IPPK: variants seen among roughly 807,000 people sequenced by gnomAD.
IPPK encodes the protein inositol-pentakisphosphate 2-kinase.
IPPK carries 22 observed loss-of-function variants against 64.6 expected under a neutral mutation model. The ratio of observed to expected loss-of-function variants is 0.34; its 90% confidence interval spans 0.24 to 0.49. The LOEUF (loss-of-function observed/expected upper bound fraction) is 0.49. Ranked by LOEUF, IPPK falls within the 20% of genes least tolerant of loss-of-function variation. IPPK has a pLI of 0.99. For synonymous variants in IPPK, 262 were observed against 247.2 expected (o/e 1.06, Z -0.56); for missense variants, 532 against 630.7 (o/e 0.84, Z 1.68).
At chr9:92,622,377 G>A (rs931143913) in intron 11 of IPPK, among the ~76,000 whole-genome samples, 6 of 152,078 alleles carry the variant, frequency 3.9e-5, no homozygotes, top group African/African-American at 1.2e-4. Context: ...CACAGACTAC[G>A]ATTACATATA....
rs182343951 is a variant in IPPK, at chr9:92,653,806, G to A, written c.226-1167C>T. 7.9e-5 allele frequency among the ~76,000 whole-genome samples: 12 copies of A among 152,300 alleles called. No homozygotes were observed. In the Middle Eastern group the frequency reaches 0.01, roughly 130 times the overall value. On this transcript the variant is annotated intron_variant, in intron 3 of 12. Transcript: ENST00000287996. ...AGAGGTTGCAGTGAGCTGAGATCAC[G>A]CCACTCCAGCCTGGGCGACAGAGCG...
At position 92,634,164 on chromosome 9, in the gene IPPK, C is replaced by T. The variant is rs79300120; in HGVS notation, c.1170+222G>A. On this transcript the variant is annotated intron_variant, in intron 11 of 12. Coordinates refer to ENST00000287996, the MANE Select transcript of IPPK (RefSeq NM_022755.6). The stretch of plus-strand genomic sequence containing the variant: ...GGGCCTGACCCCACCAGGAACGGGC[C>T]AGGGCAGAACTCAACCAAGGGAAAT... Among the ~76,000 whole-genome samples, 822 of 152,322 alleles carry T rather than the reference C, an allele frequency of 5.4e-3. 43 individuals are homozygous for T. The East Asian group carries it at 0.13, about 25-fold the overall frequency.
intron 11 of IPPK, among the ~76,000 whole-genome samples, chr9:92,627,220 A>T (rs1851750207): frequency 6.6e-6 from 1 of 152,168 alleles, no homozygotes; most frequent in South Asian, 2.1e-4. Flanking sequence ...AATTAAAAAT[A>T]AAAAAACTAT....
chr9:92,638,544 C>T (rs1276210347), intron 8 of IPPK, among the ~76,000 whole-genome samples: 1 of 152,240 alleles, frequency 6.6e-6, no homozygotes, highest in African/African-American at 2.4e-5. Flanking sequence ...GCCTGACCAA[C>T]GCCCCCAGAC....
In IPPK at chr9:92,652,609, T is replaced by C; in HGVS notation, c.256A>G (p.Lys86Glu). The C allele has an allele frequency of 3.2e-6, 5 of 1,577,842 alleles. No individual in the cohort carries two copies. The highest frequency in any genetic ancestry group is 1.1e-5 in the South Asian group (1 of 87,230). Residue 86 changes from lysine to glutamate, a missense_variant, in exon 4 of 13, where the codon AAA becomes GAA. Physicochemically the swap from Lys to Glu is moderately conservative, Grantham distance 56. Transcript: ENST00000287996. ...GATTGTATCTTTAAACAAAGCTGTT[T>C]CACAAACTCTAAAGGTAGCTGAACG... ...EVVQLPLEFV[K>E]QLCLKIQSER... is the part of the protein sequence containing the mutation.
chr9:92,655,483 C>T (rs1183530134), intron 3 of IPPK, among the ~76,000 whole-genome samples: 1 of 152,128 alleles, frequency 6.6e-6, no homozygotes, highest in Non-Finnish European at 1.5e-5. Context: ...ACCCTTCCCA[C>T]TGAGGACAAA....
In IPPK at chr9:92,639,816, A is replaced by G. The variant is rs1259193621; in HGVS notation, c.636+894T>C. ...TTTGGGAAGGTAGAGGCAGACAGGG[A>G]ATGAAGCCAATTCACTGCCCAGCAG... On this transcript the variant is annotated intron_variant, in intron 8 of 12. Coordinates refer to ENST00000287996, the MANE Select transcript of IPPK (RefSeq NM_022755.6). Among the ~76,000 whole-genome samples, 13 of 152,228 alleles carry G rather than the reference A, an allele frequency of 8.5e-5. 1 individual carries two copies. The highest frequency in any genetic ancestry group is 1.6e-4 in the Non-Finnish European group (11 of 68,040).
intron 4 of IPPK, 62 bp downstream of exon 4, chr9:92,652,511 A>C: frequency 1.1e-6 from 1 of 948,142 alleles, no homozygotes; most frequent in Admixed American, 2.3e-5. Context: ...TAATCATTTC[A>C]AACACTTTTC....
At position 92,645,585 on chromosome 9, in the gene IPPK, A is replaced by C. The variant is rs148411287; in HGVS notation, c.504+2474T>G. Among the ~76,000 whole-genome samples the C allele has an allele frequency of 2.4e-3, 365 of 152,202 alleles. 2 individuals are homozygous for C. The highest frequency in any genetic ancestry group is 8.4e-3 in the African/African-American group (347 of 41,540). ...TGTCACAGGACAAAGCCCAAGAGAG[A>C]ATCTTAAAAAGCAAAAAGAGAGAAG... On this transcript the variant is annotated intron_variant, in intron 6 of 12. Transcript: ENST00000287996.
intron 3 of IPPK, among the ~76,000 whole-genome samples, chr9:92,656,050 C>T (rs1442518868): frequency 1.3e-5 from 2 of 152,208 alleles, no homozygotes; most frequent in Admixed American, 6.5e-5. Context: ...CAGCGGAGGC[C>T]CTTCCTGGGT....
chr9:92,654,811 G>T (rs1301918595), intron 3 of IPPK, among the ~76,000 whole-genome samples: 1 of 152,210 alleles, frequency 6.6e-6, no homozygotes, highest in Non-Finnish European at 1.5e-5. Context: ...CGCCAGCCTG[G>T]CTGTCCCTTC....
At chr9:92,648,629 G>A (rs1013991829) in intron 5 of IPPK, among the ~76,000 whole-genome samples, 2 of 152,180 alleles carry the variant, frequency 1.3e-5, no homozygotes, top group African/African-American at 2.4e-5. Flanking sequence ...TACACCACAC[G>A]CAGGCCTGTG....
At chr9:92,642,688 G>A (rs1369238009) in intron 7 of IPPK, 64 bp downstream of exon 7, 4 of 1,428,732 alleles carry the variant, frequency 2.8e-6, no homozygotes, top group Admixed American at 3.4e-5. Context: ...CCAGGCACTG[G>A]CCCCCGCCCT....
chr9:92,638,329 A>T (rs1480489942), intron 8 of IPPK, 49 bp from the exon 9 acceptor site: 1 of 1,579,830 alleles, frequency 6.3e-7, no homozygotes, highest in African/African-American at 1.3e-5. Context: ...CCAAGCTTGT[A>T]GGAAAAGAAC....
chr9:92,633,079 T>C (rs938517219), intron 11 of IPPK, among the ~76,000 whole-genome samples: 1 of 151,976 alleles, frequency 6.6e-6, no homozygotes, highest in Non-Finnish European at 1.5e-5. Flanking sequence ...GGTGCAATCT[T>C]GGCTCACTGC....
intron 11 of IPPK, among the ~76,000 whole-genome samples, chr9:92,633,884 A>G (rs1307116596): frequency 6.6e-6 from 1 of 152,192 alleles, no homozygotes; most frequent in Non-Finnish European, 1.5e-5. Context: ...TTTCCTATCC[A>G]AGCTCATGGA....
chr9:92,648,649 G>A (rs557582435), intron 5 of IPPK, among the ~76,000 whole-genome samples: 96 of 152,194 alleles, frequency 6.3e-4, no homozygotes, highest in Non-Finnish European at 1.1e-3. Flanking sequence ...GCTGAGCCTC[G>A]GGCACTGGAG....
Position 92,638,351 on chromosome 9 carries a change from C to G in IPPK, c.637-71G>C, listed in dbSNP as rs918525467. The G allele has an allele frequency of 5.2e-6, 8 of 1,534,224 alleles. No individual in the cohort carries two copies. In the South Asian group the frequency reaches 6.2e-5, roughly 12 times the overall value. On this transcript the variant is annotated intron_variant, in intron 8 of 12. Transcript: ENST00000287996. ...TGTAGGAAAAGAACTCAGTCCCCAC[C>G]ACCAGCATCCCAGGCAGCGGGTGAA...
chr9:92,668,159 T>C (rs1191613524), intron 1 of IPPK, among the ~76,000 whole-genome samples: 1 of 151,632 alleles, frequency 6.6e-6, no homozygotes, highest in Non-Finnish European at 1.5e-5. Flanking sequence ...TCCCAGCTAC[T>C]CGGGAGGCTG....
Sources: allele counts gnomAD v4.1 joint callset (sites outside exome capture counted in the v4.1 genomes callset), GRCh38; gene constraint gnomAD v4.1.1; transcripts MANE v1.5; gene names NCBI Gene and HGNC (gene_info 2026-07-23, HGNC 2026-07-21).